Variants in PRDM7 observed in about 807,000 individuals in gnomAD.
The protein encoded by PRDM7 is histone-lysine N-methyltransferase PRDM7.
In PRDM7, 52 loss-of-function variants were observed where a neutral mutation model predicts 64.3. The ratio of observed to expected loss-of-function variants is 0.81; its 90% CI spans 0.65 to 1.02. The LOEUF (loss-of-function observed/expected upper bound fraction) is 1.02. Ranked by LOEUF, PRDM7 falls within the 50% of genes least tolerant of loss-of-function variation. The pLI is 0.00. For missense variants in PRDM7, 574 were observed against 597.1 expected (o/e 0.96, Z 0.40); for synonymous variants, 192 against 210.1 (o/e 0.91, Z 0.74).
At chr16:90,065,076 T>A (rs1435198543) in intron 5 of PRDM7, among the ~76,000 whole-genome samples, 1 of 150,904 alleles carries the variant, frequency 6.6e-6, no homozygotes, top group African/African-American at 2.5e-5. Context: ...AAGTGTTTTT[T>A]GAGCTACTTA....
chr16:90,065,777 A>T lies in PRDM7; in HGVS notation c.351+1084T>A, dbSNP rs997825155. On this transcript the variant is annotated intron_variant, in intron 5 of 10. Coordinates refer to ENST00000449207, the MANE Select transcript of PRDM7 (RefSeq NM_001098173.2). ...TGTAGAAAAATAACAAACGAAAATT[A>T]TCTCATAGTCCTGATATATCTCTAC... 7.3e-5 allele frequency among the ~76,000 whole-genome samples: 11 copies of T among 151,418 alleles called. 1 individual carries two copies. Among genetic ancestry groups the T allele is most frequent in the Admixed American group, 7.2e-4 (11 of 15,246 alleles).
chr16:90,062,622 C>A (rs2037802345), intron 6 of PRDM7, 120 bp from the exon 7 acceptor site: 9 of 918,204 alleles, frequency 9.8e-6, no homozygotes, highest in Middle Eastern at 6.1e-4. Context: ...ATACTCTAGT[C>A]TCCCTCTGTT....
intron 5 of PRDM7, among the ~76,000 whole-genome samples, chr16:90,066,446 G>A (rs976228657): frequency 1.3e-5 from 2 of 151,228 alleles, no homozygotes; most frequent in African/African-American, 4.9e-5. Context: ...AACTTTTAAT[G>A]ATCTTGTAAG....
At chr16:90,071,335 T>TG (rs1183618162) in intron 4 of PRDM7, among the ~76,000 whole-genome samples, 1 of 152,232 alleles carries the variant, frequency 6.6e-6, no homozygotes, top group African/African-American at 2.4e-5. Context: ...TTTGCCAAGC[T>TG]GGCGAGGCTG....
At position 90,057,882 on chromosome 16, in the gene PRDM7, T is replaced by G. The variant is rs534918685; in HGVS notation, c.*407A>C. ...ACTGGGGCGTCTCCCCTGTGTGTCC[T>G]CTGGTGAATGAGGAGGACTGACTTC... On this transcript the variant is annotated 3_prime_UTR_variant, in exon 11 of 11. Coordinates refer to ENST00000449207, the MANE Select transcript of PRDM7 (RefSeq NM_001098173.2). 1 of 1,522,874 alleles carries G rather than the reference T, an allele frequency of 6.6e-7. No individual in the cohort carries two copies. Among genetic ancestry groups the G allele is most frequent in the African/African-American group, 1.4e-5 (1 of 73,232 alleles). 94.3% of individuals were successfully genotyped at this position (1,522,874 alleles called of 1,614,324 possible).
chr16:90,060,714 C>T, intron 9 of PRDM7, 91 bp from the exon 10 acceptor site: 1 of 1,555,426 alleles, frequency 6.4e-7, no homozygotes, highest in South Asian at 1.1e-5. Context: ...AGAATGCTTC[C>T]CTGCTGTGCC....
Position 90,060,392 on chromosome 16 carries a change from G to A in PRDM7, c.1182C>T (p.Asn394=), listed in dbSNP as rs758876471. The change falls in exon 10 of 11, where the codon AAC becomes AAT. Residue 394 remains asparagine (N), a synonymous_variant. Transcript: ENST00000449207. ...WSGMGMSMAR[N]WASSGAASGR... ...CACTTGCTGCCCCACTTGATGCCCA[G>A]TTCCTGGCCATACTCATCCCCATAC... is the stretch of plus-strand genomic sequence containing the variant. The A allele has an allele frequency of 1.2e-6, 2 of 1,613,796 alleles. No homozygotes were observed. The highest frequency in any genetic ancestry group is 1.1e-5 in the South Asian group (1 of 91,062).
At chr16:90,076,109 T>C in intron 1 of PRDM7, 114 bp from the exon 2 acceptor site, 1 of 645,156 alleles carries the variant, frequency 1.6e-6, no homozygotes, top group Non-Finnish European at 2.6e-6. Context: ...GGGTTCCTGG[T>C]GAGGTCTCGA....
At chr16:90,070,707 T>C (rs1357052838) in intron 4 of PRDM7, among the ~76,000 whole-genome samples, 1 of 143,786 alleles carries the variant, frequency 7.0e-6, no homozygotes, top group Non-Finnish European at 1.5e-5. Context: ...TGACTACAAG[T>C]CAGGAAGAGA....
Position 90,057,864 on chromosome 16 carries a change from C to G in PRDM7, c.*425G>C. 6.6e-7 allele frequency: 1 copy of G among 1,508,640 alleles called. No individual in the cohort carries two copies. Among genetic ancestry groups the G allele is most frequent in the Non-Finnish European group, 9.0e-7 (1 of 1,107,602 alleles). 93.5% of individuals were successfully genotyped at this position (1,508,640 alleles called of 1,614,324 possible). A position where few individuals can be genotyped will look rare whatever the true frequency, so the allele number is the denominator to read the frequency against. ...TACTCATCCTTCCTGCAGACTGGGG[C>G]GTCTCCCCTGTGTGTCCTCTGGTGA... On this transcript the variant is annotated 3_prime_UTR_variant, in exon 11 of 11. Coordinates refer to ENST00000449207, the MANE Select transcript of PRDM7 (RefSeq NM_001098173.2).
intron 5 of PRDM7, among the ~76,000 whole-genome samples, chr16:90,064,692 G>T (rs1249505706): frequency 6.9e-6 from 1 of 145,794 alleles, no homozygotes; most frequent in Non-Finnish European, 1.5e-5. Context: ...GGGATTATAT[G>T]TAAGAGCCCC....
At chr16:90,074,322 A>C (rs1473666144) in intron 4 of PRDM7, among the ~76,000 whole-genome samples, 13 of 142,842 alleles carry the variant, frequency 9.1e-5, no homozygotes, top group African/African-American at 3.3e-4. Context: ...CATCATCATC[A>C]TCCCAGCATT....
rs2037914480 is a variant in PRDM7 at position 90,068,650 on chromosome 16, A to G, written c.302-1740T>C. ...ACTCCGTCTCAAAAAAAAAAAAAAAAAAGAAGTAATACATGAATTCAGCAT... is the reference window on the plus strand; with the variant it reads ...ACTCCGTCTCAAAAAAAAAAAAAAAGAAGAAGTAATACATGAATTCAGCAT... On this transcript the variant is annotated intron_variant, in intron 4 of 10. Coordinates refer to ENST00000449207, the MANE Select transcript of PRDM7 (RefSeq NM_001098173.2). 4.8e-5 allele frequency among the ~76,000 whole-genome samples: 7 copies of G among 146,740 alleles called. No individual in the cohort carries two copies. The South Asian group carries it at 1.5e-3, about 32-fold the overall frequency.
In PRDM7 at chr16:90,058,323, T is replaced by C; in HGVS notation, c.1445A>G (p.Lys482Arg). ...LIHAAVMTKP[K>R]VKRSKKGPNS ...TGGACCTTTCTTTGATCTCTTGACCTTTGGTTTTGTCATTACAGCAGCGTG... is the reference window on the plus strand; with the variant it reads ...TGGACCTTTCTTTGATCTCTTGACCCTTGGTTTTGTCATTACAGCAGCGTG... Residue 482 changes from lysine to arginine, a missense_variant, in exon 11 of 11, where the codon AAG becomes AGG. By Grantham distance (26) the Lys-to-Arg change is conservative. Coordinates refer to ENST00000449207, the MANE Select transcript of PRDM7 (RefSeq NM_001098173.2). 1 of 1,614,246 alleles carries C rather than the reference T, an allele frequency of 6.2e-7. No individual in the cohort carries two copies. Among genetic ancestry groups the C allele is most frequent in the South Asian group, 1.1e-5 (1 of 91,090 alleles).
At chr16:90,074,488 A>G (rs1362605379) in intron 4 of PRDM7, among the ~76,000 whole-genome samples, 1 of 151,832 alleles carries the variant, frequency 6.6e-6, no homozygotes, top group Non-Finnish European at 1.5e-5. Context: ...GAGGTGGGAG[A>G]ATTGTTGAAC....
chr16:90,059,253 C>G (rs372633891), intron 10 of PRDM7, among the ~76,000 whole-genome samples: 1 of 152,212 alleles, frequency 6.6e-6, no homozygotes, highest in East Asian at 1.9e-4. Context: ...TGGACTGCTT[C>G]TGTTTCAGAT....
rs150196149 is a variant in PRDM7, at chr16:90,060,585, A to G, written c.989T>C (p.Leu330Pro). The change falls in exon 10 of 11, where the codon CTG becomes CCG. Residue 330 changes from leucine to proline, a missense_variant. Leu to Pro is a moderately conservative substitution (Grantham distance 98). Coordinates refer to ENST00000449207, the MANE Select transcript of PRDM7 (RefSeq NM_001098173.2). The part of the protein sequence containing the change: ...NCARDDEEQN[L>P]VAFQYHRQIF... Reference sequence around the variant, plus strand: ...CTGCCTGTGGTACTGGAAGGCCACCAGGTTCTGCTCTTCATCATCCCGGGC... The same window carrying G: ...CTGCCTGTGGTACTGGAAGGCCACCGGGTTCTGCTCTTCATCATCCCGGGC... 0.055 allele frequency: 89,221 copies of G among 1,614,134 alleles called. 3,013 individuals carry two copies. The highest frequency in any genetic ancestry group is 0.067 in the Non-Finnish European group (78,853 of 1,179,994).
At position 90,075,230 on chromosome 16, in the gene PRDM7, T is replaced by A; in HGVS notation, c.193+121A>T. On this transcript the variant is annotated intron_variant, in intron 3 of 10. Transcript: ENST00000449207. This position sits in a 1 kb window ranked among gnomAD's most constrained non-coding sequence, Gnocchi z 4.3. Reference sequence around the variant, plus strand: ...CAAAAGAACAATATTTCCCTCCAGATTTGTCTCCGTGCAAAAGGGAATTGT... The same window carrying A: ...CAAAAGAACAATATTTCCCTCCAGAATTGTCTCCGTGCAAAAGGGAATTGT... 6.4e-7 allele frequency: 1 copy of A among 1,552,654 alleles called. No homozygotes were observed.
chr16:90,061,560 A>C, intron 8 of PRDM7, 41 bp from the exon 9 acceptor site: 7 of 1,545,862 alleles, frequency 4.5e-6, no homozygotes, highest in Non-Finnish European at 5.4e-6. Flanking sequence ...TTAGAGGGTA[A>C]AAATCCGAAG....
Sources: allele counts gnomAD v4.1 joint callset (sites outside exome capture counted in the v4.1 genomes callset), GRCh38; gene constraint gnomAD v4.1.1; non-coding constraint Gnocchi (gnomAD v3.1); transcripts MANE v1.5; gene names NCBI Gene and HGNC (gene_info 2026-07-23, HGNC 2026-07-21).